Variants in CDH2 observed in about 807,000 individuals in gnomAD.
The protein encoded by CDH2 is cadherin-2.
Under a neutral mutation model 92.0 loss-of-function variants are expected in CDH2, and 17 were observed. That is an observed-to-expected ratio of 0.18 (90% CI 0.13 to 0.28). CDH2 has a LOEUF of 0.28. Among genes scored for constraint, CDH2 ranks in the 10% least tolerant of loss-of-function variants. CDH2 has a pLI of 1.00. For synonymous variants in CDH2, 419 were observed against 415.9 expected, an observed-to-expected ratio of 1.01 and a Z score of -0.09; for missense variants, 862 against 1,133.1, an observed-to-expected ratio of 0.76 and a Z score of 3.44.
At chr18:28,082,816 C>T (rs577858400) in intron 2 of CDH2, among the ~76,000 whole-genome samples, 1 of 152,220 alleles carries the variant, frequency 6.6e-6, no homozygotes, top group South Asian at 2.1e-4. Context: ...GCTGTCAATA[C>T]CCACAGACAA....
intron 1 of CDH2, among the ~76,000 whole-genome samples, chr18:28,176,666 GAC>G (rs886786319): frequency 7.2e-5 from 11 of 152,042 alleles, no homozygotes; most frequent in Admixed American, 3.3e-4. Context: ...GCTGCCTGGG[GAC>G]ACCCCCCGCG....
chr18:27,957,246 CTTTTTTA>C (rs1273685015), intron 15 of CDH2, among the ~76,000 whole-genome samples: 7 of 151,726 alleles, frequency 4.6e-5, no homozygotes, highest in East Asian at 1.9e-4. Flanking sequence ...GTCCCTTCTA[CTTTTTTA>C]TTTTTTATTT....
intron 15 of CDH2, chr18:27,954,434 A>G (rs1909609522): frequency 6.6e-6 from 1 of 152,242 alleles, no homozygotes; most frequent in South Asian, 2.1e-4. Flanking sequence ...ATGCAATGTA[A>G]GTAGCTGTGA....
At chr18:28,027,684 A>G (rs764436731) in intron 2 of CDH2, among the ~76,000 whole-genome samples, 1 of 152,162 alleles carries the variant, frequency 6.6e-6, no homozygotes, top group South Asian at 2.1e-4. Context: ...TCTCCCTTGT[A>G]TACATTCTAA....
intron 14 of CDH2, among the ~76,000 whole-genome samples, chr18:27,978,641 A>T (rs950571371): frequency 3.3e-5 from 5 of 151,760 alleles, no homozygotes; most frequent in African/African-American, 9.7e-5. Context: ...CTTGGGGTAG[A>T]CATTTTATTT....
At chr18:28,055,889 C>T (rs2014283315) in intron 2 of CDH2, among the ~76,000 whole-genome samples, 4 of 152,046 alleles carry the variant, frequency 2.6e-5, no homozygotes, top group African/African-American at 4.8e-5. Context: ...GAAAGTGTTA[C>T]TATATGACAG....
intron 14 of CDH2, among the ~76,000 whole-genome samples, chr18:27,974,622 A>G (rs924099896): frequency 1.3e-5 from 2 of 152,164 alleles, no homozygotes; most frequent in Admixed American, 1.3e-4. Context: ...GTCCCCCACT[A>G]AAGTCACATG....
At chr18:27,957,659 A>T (rs1181153622) in intron 15 of CDH2, among the ~76,000 whole-genome samples, 1 of 152,082 alleles carries the variant, frequency 6.6e-6, no homozygotes, top group Non-Finnish European at 1.5e-5. Flanking sequence ...CCTGACATTC[A>T]ACAGGTATTC....
intron 2 of CDH2, among the ~76,000 whole-genome samples, chr18:28,082,902 C>T (rs2014858484): frequency 6.6e-6 from 1 of 152,142 alleles, no homozygotes; most frequent in Non-Finnish European, 1.5e-5. Context: ...AAGGTTCTTT[C>T]CCACCCTCCT....
intron 2 of CDH2, among the ~76,000 whole-genome samples, chr18:28,084,127 T>C (rs17535992): frequency 0.028 from 4,307 of 152,210 alleles, 214 homozygotes; most frequent in African/African-American, 0.098. Flanking sequence ...CTGGCATACA[T>C]GAATCTGATT....
At position 28,005,973 on chromosome 18, in the gene CDH2, A is replaced by G; in HGVS notation, c.723T>C (p.Asp241=). ...ARFHLRAHAV[D]INGNQVENPI... The stretch of plus-strand genomic sequence containing the variant: ...GGTTCTCCACTTGATTTCCATTAAT[A>G]TCTACTGCATGTGCCCTCAACTGCA... Residue 241 remains aspartate, a synonymous_variant, in exon 6 of 16, where the codon GAT becomes GAC. Coordinates refer to ENST00000269141, the MANE Select transcript of CDH2 (RefSeq NM_001792.5). 1 of 1,612,734 alleles carries G rather than the reference A, an allele frequency of 6.2e-7. No homozygotes were observed. The highest frequency in any genetic ancestry group is 1.1e-5 in the South Asian group (1 of 90,938).
chr18:28,030,639 A>T (rs1015757029), intron 2 of CDH2, among the ~76,000 whole-genome samples: 1 of 152,116 alleles, frequency 6.6e-6, no homozygotes, highest in African/African-American at 2.4e-5. Context: ...GTAAAGGAAC[A>T]TGAAGGTGAC....
intron 2 of CDH2, among the ~76,000 whole-genome samples, chr18:28,122,535 G>A (rs2015608194): frequency 6.6e-6 from 1 of 151,964 alleles, no homozygotes; most frequent in South Asian, 2.1e-4. Context: ...ATTAATTATT[G>A]GACTCCATGG....
rs17522250 is a variant in CDH2, at chr18:27,983,546, A to C, written c.2210-463T>G. On this transcript the variant is annotated intron_variant, in intron 13 of 15. Coordinates refer to ENST00000269141, the MANE Select transcript of CDH2 (RefSeq NM_001792.5). ...AAGAAAACACTTATCCAGGAGGACA[A>C]AGCTTGCCCAGATGACCTGGGTAGT... Among the ~76,000 whole-genome samples the C allele has an allele frequency of 7.4e-3, 1,134 of 152,326 alleles. 23 individuals carry two copies. Among genetic ancestry groups the C allele is most frequent in the African/African-American group, 0.026 (1,075 of 41,572 alleles).
chr18:28,068,497 G>A (rs564993433), intron 2 of CDH2, among the ~76,000 whole-genome samples: 1 of 152,242 alleles, frequency 6.6e-6, no homozygotes, highest in African/African-American at 2.4e-5. Flanking sequence ...ATGAATAAAT[G>A]TTCCTAGCTA....
intron 14 of CDH2, among the ~76,000 whole-genome samples, chr18:27,965,639 G>T (rs769508249): frequency 1.3e-5 from 2 of 152,078 alleles, no homozygotes; most frequent in Non-Finnish European, 2.9e-5. Flanking sequence ...AGTTATTTAC[G>T]GAATATCTCA....
chr18:28,112,987 T>G (rs115250994), intron 2 of CDH2, among the ~76,000 whole-genome samples: 9 of 152,150 alleles, frequency 5.9e-5, no homozygotes, highest in East Asian at 5.8e-4. Context: ...AATTTAAGAA[T>G]GCCAGGGGGG....
chr18:27,950,738 C>T (rs1166277236), downstream of CDH2, among the ~76,000 whole-genome samples: 2 of 152,028 alleles, frequency 1.3e-5, no homozygotes, highest in East Asian at 3.9e-4. Flanking sequence ...TTTCTATCAC[C>T]ACCAGTAGGG....
intron 1 of CDH2, among the ~76,000 whole-genome samples, chr18:28,160,621 G>C (rs573382545): frequency 3.3e-5 from 5 of 152,254 alleles, no homozygotes; most frequent in Admixed American, 3.3e-4. Context: ...TTTGGCCAAA[G>C]CAACTCCATA....
Sources: gnomAD v4.1 joint callset for allele counts (sites outside exome capture counted in the v4.1 genomes callset) on GRCh38, gnomAD v4.1.1 for gene constraint, MANE v1.5 for transcripts, NCBI Gene and HGNC (gene_info 2026-07-23, HGNC 2026-07-21) for gene names.